Variants in TRERF1 observed in about 807,000 individuals in gnomAD.
TRERF1 encodes transcriptional regulating factor 1, also known as transcriptional-regulating factor 1.
TRERF1 carries 27 observed loss-of-function variants against 122.9 expected under a neutral mutation model. That is an observed-to-expected ratio of 0.22 (90% CI 0.16 to 0.30). The LOEUF is 0.30. Ranked by LOEUF, TRERF1 falls within the 10% of genes least tolerant of loss-of-function variation. The pLI is 1.00. For synonymous variants in TRERF1, 636 were observed against 641.7 expected, an observed-to-expected ratio of 0.99 and a Z score of 0.13; for missense variants, 1,248 against 1,560.3, an observed-to-expected ratio of 0.80 and a Z score of 3.37.
intron 2 of TRERF1, among the ~76,000 whole-genome samples, chr6:42,439,159 T>C (rs1456714413): frequency 6.6e-6 from 1 of 152,200 alleles, no homozygotes; most frequent in Non-Finnish European, 1.5e-5. Flanking sequence ...AACACTTTCC[T>C]AAGTAGTCTC....
At chr6:42,436,814 A>AAAAATATAT (rs61427173) in intron 2 of TRERF1, among the ~76,000 whole-genome samples, 34 of 66,682 alleles carry the variant, frequency 5.1e-4, no homozygotes, top group Admixed American at 1.5e-3. Flanking sequence ...AAAAAAAAAA[A>AAAAATATAT]ATATATATAT....
chr6:42,417,924 C>T (rs907018580), intron 2 of TRERF1, among the ~76,000 whole-genome samples: 1 of 152,192 alleles, frequency 6.6e-6, no homozygotes, highest in Non-Finnish European at 1.5e-5. Context: ...TGACAATGAA[C>T]ACACACACAT....
At chr6:42,355,261 T>C (rs1770286196) in intron 3 of TRERF1, among the ~76,000 whole-genome samples, 1 of 152,202 alleles carries the variant, frequency 6.6e-6, no homozygotes, top group Admixed American at 6.5e-5. Context: ...CTTAAAGTGG[T>C]ATATAAAAAC....
chr6:42,248,818 T>C (rs1174548917), intron 13 of TRERF1, among the ~76,000 whole-genome samples: 2 of 151,754 alleles, frequency 1.3e-5, no homozygotes, highest in African/African-American at 4.8e-5. Flanking sequence ...CTTGCCGGAG[T>C]GCATGTGAGC....
rs566589690 is a variant in TRERF1, at chr6:42,259,599, T to C, written c.2009A>G (p.Asn670Ser). ...CGAGTAGGAGGCAGCGGGGTTCGGG[T>C]TGTAGGAGGGCGGCGGCGGGATGAA... Residue 670 changes from asparagine to serine, a missense_variant, in exon 9 of 18, where the codon AAC (asparagine) becomes AGC (serine). Around this residue, in one of 5 missense-constraint regions of TRERF1, gnomAD observed 946 missense variants for 1,073.0 expected, o/e 0.88. Transcript: ENST00000372922. The surrounding 1 kb of genome is among the most constrained non-coding windows in gnomAD (Gnocchi z 4.9). 1.2e-6 allele frequency: 2 copies of C among 1,613,638 alleles called. No homozygotes were observed. Among genetic ancestry groups the C allele is most frequent in the Non-Finnish European group, 1.7e-6 (2 of 1,179,844 alleles).
chr6:42,238,025 T>C (rs1397240805), intron 15 of TRERF1, among the ~76,000 whole-genome samples: 1 of 152,248 alleles, frequency 6.6e-6, no homozygotes, highest in Non-Finnish European at 1.5e-5. Context: ...AAGTGGTTTA[T>C]GATCTAAGCA....
chr6:42,236,278 G>T (rs34528654), exon 16 of TRERF1: 2 of 1,612,468 alleles, frequency 1.2e-6, no homozygotes, highest in African/African-American at 1.3e-5. Context: ...CGGCCCCTCC[G>T]TGGGAGCCAG....
intron 2 of TRERF1, among the ~76,000 whole-genome samples, chr6:42,440,029 T>G (rs1014024422): frequency 2.0e-5 from 3 of 152,180 alleles, no homozygotes; most frequent in African/African-American, 7.2e-5. Flanking sequence ...AAATGCTTGA[T>G]GAACAAGTTG....
intron 2 of TRERF1, among the ~76,000 whole-genome samples, chr6:42,421,671 G>T (rs1373900490): frequency 6.6e-6 from 1 of 152,142 alleles, no homozygotes; most frequent in Non-Finnish European, 1.5e-5. Flanking sequence ...CTAATCGGGA[G>T]GCTGAGGCAG....
intron 2 of TRERF1, among the ~76,000 whole-genome samples, chr6:42,381,583 G>A (rs1775930267): frequency 6.6e-6 from 1 of 151,952 alleles, no homozygotes; most frequent in Admixed American, 6.6e-5. Context: ...AATGCACCTT[G>A]AGGACCAAGA....
chr6:42,229,776 C>T (rs934820126), intron 17 of TRERF1, among the ~76,000 whole-genome samples: 3 of 152,108 alleles, frequency 2.0e-5, no homozygotes, highest in South Asian at 4.1e-4. Context: ...TTGAGAAACC[C>T]GGGGATAAAA....
At position 42,269,069 on chromosome 6, in the gene TRERF1, A is replaced by C; in HGVS notation, c.522T>G (p.Asp174Glu). Residue 174 changes from aspartate (D) to glutamate (E), a missense_variant, in exon 5 of 18, where the codon GAT becomes GAG. Asp to Glu is a conservative substitution (Grantham distance 45). This residue lies in a region of TRERF1 where 946 missense variants were observed against 1,073.0 expected (regional missense o/e 0.88). Transcript: ENST00000372922. The surrounding 1 kb of genome is among the most constrained non-coding windows in gnomAD (Gnocchi z 4.9). ...GGCGGAGAGCACTGTCAGGGGCTCC[A>C]TCCATCACTGCTGACTGAGTGTGCA... 1 of 1,614,194 alleles carries C rather than the reference A, an allele frequency of 6.2e-7. No individual in the cohort carries two copies. Among genetic ancestry groups the C allele is most frequent in the Non-Finnish European group, 8.5e-7 (1 of 1,180,036 alleles).
chr6:42,324,655 A>G (rs139512492), intron 3 of TRERF1, among the ~76,000 whole-genome samples: 3 of 152,302 alleles, frequency 2.0e-5, no homozygotes, highest in South Asian at 2.1e-4. Flanking sequence ...ATGGGGAAAG[A>G]ACTCCCTATT....
chr6:42,434,668 CCACACACACACACACACA>C (rs3075920), intron 2 of TRERF1, among the ~76,000 whole-genome samples: 7 of 114,892 alleles, frequency 6.1e-5, no homozygotes, highest in East Asian at 2.4e-4. Flanking sequence ...ACACCCTCCA[CCACACACACACACACACA>C]CACACACACA....
rs1286353666 is a variant in TRERF1 at position 42,339,942 on chromosome 6, A to G, written c.-371+23055T>C. On this transcript the variant is annotated intron_variant, in intron 3 of 17. Transcript: ENST00000372922. The stretch of plus-strand genomic sequence containing the variant: ...AGTTTACTACTTAATACATATTCAA[A>G]CCAACATGTTTTCTGCGACCATCAA... Among the ~76,000 whole-genome samples the G allele has an allele frequency of 3.3e-5, 5 of 152,178 alleles. No individual in the cohort carries two copies. The East Asian group carries it at 9.6e-4, about 29-fold the overall frequency.
At chr6:42,444,693 TC>T (rs1473334726) in intron 2 of TRERF1, among the ~76,000 whole-genome samples, 1 of 152,132 alleles carries the variant, frequency 6.6e-6, no homozygotes. Context: ...CTGACCCAAC[TC>T]GTTTCTCTTG....
At chr6:42,256,653 G>T (rs1438030306) in intron 12 of TRERF1, 75 bp downstream of exon 12, 34 of 1,338,906 alleles carry the variant, frequency 2.5e-5, no homozygotes, top group Non-Finnish European at 3.6e-5. Context: ...TGGTTGTATG[G>T]TACATGAGAC....
In TRERF1 at chr6:42,232,825, T is replaced by C; in HGVS notation, c.3134A>G (p.Lys1045Arg). Residue 1045 changes from lysine (K) to arginine (R), a missense_variant, in exon 17 of 18, where the codon AAG becomes AGG. Coordinates refer to ENST00000372922, the Ensembl canonical transcript of TRERF1. This position sits in a 1 kb window ranked among gnomAD's most constrained non-coding sequence, Gnocchi z 4.5. ...CCCAGAGGGGATGGCACCTCGGGCC[T>C]TGGTCACCTGGTTGGTGCCCCCGTG... 3 of 1,612,550 alleles carry C rather than the reference T, an allele frequency of 1.9e-6. No individual in the cohort carries two copies. The highest frequency in any genetic ancestry group is 2.5e-6 in the Non-Finnish European group (3 of 1,179,312).
chr6:42,230,221 C>T (rs988233201), intron 17 of TRERF1, among the ~76,000 whole-genome samples: 1 of 152,168 alleles, frequency 6.6e-6, no homozygotes. Context: ...AACATAATTT[C>T]AGCACCTCTA....
Sources: allele counts gnomAD v4.1 joint callset (sites outside exome capture counted in the v4.1 genomes callset), GRCh38; gene constraint gnomAD v4.1.1; regional missense constraint gnomAD v4.1.1; non-coding constraint Gnocchi (gnomAD v3.1); transcripts MANE v1.5; gene names NCBI Gene and HGNC (gene_info 2026-07-23, HGNC 2026-07-21).